CCR9: variants seen among roughly 807,000 people sequenced by gnomAD.
The protein encoded by CCR9 is C-C motif chemokine receptor 9, also known as C-C chemokine receptor type 9.
In CCR9, 4 loss-of-function variants were observed where a neutral mutation model predicts 8.7. The observed-to-expected ratio is 0.46, with a 90% CI of 0.23 to 1.06. The LOEUF is 1.06. Ranked by LOEUF, CCR9 falls within the 50% of genes least tolerant of loss-of-function variation. The pLI, the probability that CCR9 is intolerant of heterozygous loss-of-function variation, is 0.21. For synonymous variants in CCR9, 159 were observed against 168.8 expected (o/e 0.94, Z 0.45); for missense variants, 394 against 453.6 (o/e 0.87, Z 1.19).
rs939992030 is a variant in CCR9, at chr3:45,902,105, T to G, written c.*207T>G. On this transcript the variant is annotated 3_prime_UTR_variant, in exon 3 of 3. Coordinates refer to ENST00000357632, the MANE Select transcript of CCR9 (RefSeq NM_031200.3). Reference sequence around the variant, plus strand: ...GTGCAGGAGGCTGTTGATTGGCTCTTGACTGTGATGCCCGCAATTCTCAAA... The same window carrying G: ...GTGCAGGAGGCTGTTGATTGGCTCTGGACTGTGATGCCCGCAATTCTCAAA... The G allele has an allele frequency of 1.9e-5, 10 of 517,852 alleles. No individual in the cohort carries two copies. The highest frequency in any genetic ancestry group is 1.7e-4 in the African/African-American group (9 of 51,890). The allele number at this position is 517,852 out of a possible 1,614,324, so 32.1% of individuals were successfully genotyped here.
chr3:45,895,229 G>T (rs888277711), intron 2 of CCR9: 1 of 515,810 alleles, frequency 1.9e-6, no homozygotes, highest in African/African-American at 1.9e-5. Context: ...CTTTAACTAG[G>T]GTGTGCTTAG....
intron 2 of CCR9, among the ~76,000 whole-genome samples, chr3:45,899,122 C>T (rs749987202): frequency 2.6e-5 from 4 of 152,190 alleles, no homozygotes; most frequent in Admixed American, 6.5e-5. Context: ...GCCGAGATGG[C>T]GCCATTGCAC....
chr3:45,902,677 T>C lies in CCR9; in HGVS notation c.*779T>C, dbSNP rs537203640. 3 of 167,264 alleles carry C rather than the reference T, an allele frequency of 1.8e-5. No individual in the cohort carries two copies. In the East Asian group the frequency reaches 5.8e-4, roughly 32 times the overall value. 10.4% of individuals were successfully genotyped at this position (167,264 alleles called of 1,614,324 possible). A position where few individuals can be genotyped will look rare whatever the true frequency, so the allele number is the denominator to read the frequency against. The stretch of plus-strand genomic sequence containing the variant: ...CTCCATGGCCTGAGCAGGGAGATTA[T>C]AACAGCTGGGTTCGCAGGAGCCAGC... On this transcript the variant is annotated 3_prime_UTR_variant, in exon 3 of 3. Transcript: ENST00000357632.
Position 45,901,982 on chromosome 3 carries a change from T to C in CCR9, c.*84T>C, listed in dbSNP as rs1702575850. 8.6e-7 allele frequency: 1 copy of C among 1,166,452 alleles called. No individual in the cohort carries two copies. Among genetic ancestry groups the C allele is most frequent in the African/African-American group, 1.5e-5 (1 of 64,706 alleles). 72.3% of individuals were successfully genotyped at this position (1,166,452 alleles called of 1,614,324 possible). ...TCCCCACTGATGGGACCAGAGAGAG[T>C]GAAAGAGAAAAGAAAACTCAGAAAG... is the stretch of plus-strand genomic sequence containing the variant. On this transcript the variant is annotated 3_prime_UTR_variant, in exon 3 of 3. Transcript: ENST00000357632. The surrounding 1 kb of genome is among the most constrained non-coding windows in gnomAD (Gnocchi z 4.3).
At position 45,901,359 on chromosome 3, in the gene CCR9, GA is replaced by G. The variant is rs769377797; in HGVS notation, c.572del (p.Glu191GlyfsTer20). ...AGAAATCTTATACAGCCAAATCAAGGAGGAATCCGGCATTGCTATCTGCACC... is the reference window on the plus strand; with the variant it reads ...AGAAATCTTATACAGCCAAATCAAGGGGAATCCGGCATTGCTATCTGCACC... ...IPEILYSQIK[E>X]ESGIAICTMV... On this transcript the variant is annotated frameshift_variant, in exon 3 of 3. Coordinates refer to ENST00000357632, the MANE Select transcript of CCR9 (RefSeq NM_031200.3). LOFTEE classifies it low-confidence loss of function (END_TRUNC). The surrounding 1 kb of genome is among the most constrained non-coding windows in gnomAD (Gnocchi z 4.3). The G allele has an allele frequency of 1.9e-6, 3 of 1,614,180 alleles. No homozygotes were observed. In the African/African-American group the frequency reaches 4.0e-5, roughly 22 times the overall value.
intron 1 of CCR9, among the ~76,000 whole-genome samples, chr3:45,893,944 G>A (rs1031879831): frequency 1.3e-5 from 2 of 152,198 alleles, no homozygotes; most frequent in Non-Finnish European, 2.9e-5. Context: ...GGGTCATGAT[G>A]TTGTTATGGA....
chr3:45,887,100 G>A (rs1220525225), intron 1 of CCR9, among the ~76,000 whole-genome samples: 1 of 152,174 alleles, frequency 6.6e-6, no homozygotes, highest in Admixed American at 6.5e-5. Flanking sequence ...GATGTATCTA[G>A]ACAATGGAAT....
At chr3:45,892,843 A>C (rs1198647692) in intron 1 of CCR9, among the ~76,000 whole-genome samples, 1 of 152,154 alleles carries the variant, frequency 6.6e-6, no homozygotes. Flanking sequence ...ACCAGCAGAG[A>C]GGTTACCAGG....
At chr3:45,887,728 T>C (rs983970417) in intron 1 of CCR9, among the ~76,000 whole-genome samples, 1 of 152,248 alleles carries the variant, frequency 6.6e-6, no homozygotes, top group African/African-American at 2.4e-5. Flanking sequence ...AGCCTCTTTG[T>C]GTAGGCCTCA....
chr3:45,895,242 C>G (rs1162030618), intron 2 of CCR9: 2 of 485,636 alleles, frequency 4.1e-6, no homozygotes, highest in African/African-American at 3.9e-5. Context: ...GTGCTTAGTT[C>G]CATATGCCTG....
rs1702597588 is a variant in CCR9, at chr3:45,902,699, CAG to C, written c.*802_*803del. 1 of 167,136 alleles carries C rather than the reference CAG, an allele frequency of 6.0e-6. No homozygotes were observed. Among genetic ancestry groups the C allele is most frequent in the South Asian group, 2.1e-4 (1 of 4,830 alleles). The allele number at this position is 167,136 out of a possible 1,614,324, so 10.4% of individuals were successfully genotyped here. On this transcript the variant is annotated 3_prime_UTR_variant, in exon 3 of 3. Transcript: ENST00000357632. ...TTATAACAGCTGGGTTCGCAGGAGCCAGCCTTGGCCCTGTTGTAGGCTTGTTC... is the reference window on the plus strand; with the variant it reads ...TTATAACAGCTGGGTTCGCAGGAGCCCCTTGGCCCTGTTGTAGGCTTGTTC...
At chr3:45,894,086 A>G (rs972648670) in intron 1 of CCR9, among the ~76,000 whole-genome samples, 1 of 152,214 alleles carries the variant, frequency 6.6e-6, no homozygotes, top group African/African-American at 2.4e-5. Context: ...GCCCCAGCTC[A>G]GGCACAGACT....
chr3:45,903,144 G>A lies in CCR9; in HGVS notation c.*1246G>A, dbSNP rs199657625. ...TCTTTACCCTGTCTCAATATTTTAA[G>A]TGTGTGCAATTAAAGATCAAATAGA... On this transcript the variant is annotated 3_prime_UTR_variant, in exon 3 of 3. Transcript: ENST00000357632. 6.0e-6 allele frequency: 1 copy of A among 167,032 alleles called. No homozygotes were observed. Among genetic ancestry groups the A allele is most frequent in the Non-Finnish European group, 1.5e-5 (1 of 68,122 alleles). 10.3% of individuals were successfully genotyped at this position (167,032 alleles called of 1,614,324 possible). A position where few individuals can be genotyped will look rare whatever the true frequency, so the allele number is the denominator to read the frequency against.
intron 1 of CCR9, among the ~76,000 whole-genome samples, chr3:45,894,497 G>A (rs899710457): frequency 6.6e-6 from 1 of 152,144 alleles, no homozygotes; most frequent in Non-Finnish European, 1.5e-5. Context: ...AGGGGGAAGG[G>A]GAACCAGTCA....
chr3:45,893,903 G>C (rs1702267110), intron 1 of CCR9, among the ~76,000 whole-genome samples: 1 of 152,146 alleles, frequency 6.6e-6, no homozygotes. Flanking sequence ...TTATGCATTG[G>C]AAACCACTGT....
intron 2 of CCR9, among the ~76,000 whole-genome samples, chr3:45,896,228 G>C (rs1199016829): frequency 6.6e-6 from 1 of 152,260 alleles, no homozygotes; most frequent in African/African-American, 2.4e-5. Flanking sequence ...AGCAGAGCCA[G>C]GGCTGCTTCT....
At chr3:45,898,995 G>A (rs557187340) in intron 2 of CCR9, among the ~76,000 whole-genome samples, 6 of 152,106 alleles carry the variant, frequency 3.9e-5, no homozygotes, top group African/African-American at 9.7e-5. Context: ...GTGAAATCCC[G>A]TCTCTACTAA....
chr3:45,889,988 T>C (rs574254035), intron 1 of CCR9, among the ~76,000 whole-genome samples: 8 of 151,432 alleles, frequency 5.3e-5, no homozygotes, highest in African/African-American at 1.9e-4. Flanking sequence ...GCTTTGTAAA[T>C]TTTGACAGAT....
At chr3:45,888,572 A>G (rs1702052253) in intron 1 of CCR9, among the ~76,000 whole-genome samples, 1 of 152,212 alleles carries the variant, frequency 6.6e-6, no homozygotes, top group Non-Finnish European at 1.5e-5. Flanking sequence ...CACCTGCAAC[A>G]AGGCCTCACT....
Sources: allele counts gnomAD v4.1 joint callset (sites outside exome capture counted in the v4.1 genomes callset), GRCh38; gene constraint gnomAD v4.1.1; non-coding constraint Gnocchi (gnomAD v3.1); transcripts MANE v1.5; gene names NCBI Gene and HGNC (gene_info 2026-07-23, HGNC 2026-07-21).